The following ATP8A1 variants were observed in gnomAD, a reference collection of about 807,000 sequenced individuals.
ATP8A1 encodes the protein ATPase phospholipid transporting 8A1.
ATP8A1 carries 90 observed loss-of-function variants against 177.7 expected under a neutral mutation model. That is an observed-to-expected ratio of 0.51 (90% confidence interval 0.43 to 0.60). The LOEUF (loss-of-function observed/expected upper bound fraction) is 0.60, where lower values mean the gene tolerates loss of function less well. ATP8A1 is among the 20% of genes least tolerant of loss of function. ATP8A1 has a pLI of 0.00. For synonymous variants in ATP8A1, 493 were observed against 485.9 expected (o/e 1.01, Z -0.19); for missense variants, 1,072 against 1,392.8 (o/e 0.77, Z 3.67).
intron 33 of ATP8A1, among the ~76,000 whole-genome samples, chr4:42,432,621 G>T (rs777632179): frequency 1.2e-4 from 19 of 152,158 alleles, no homozygotes; most frequent in Admixed American, 7.9e-4. Flanking sequence ...TGGGTGGTAC[G>T]CAAGCATCCC....
intron 19 of ATP8A1, among the ~76,000 whole-genome samples, chr4:42,545,030 C>T (rs574648564): frequency 2.7e-4 from 41 of 151,970 alleles, no homozygotes; most frequent in Middle Eastern, 6.8e-3. Context: ...CATGGTATCA[C>T]GTGCCTGTAA....
chr4:42,599,238 A>T (rs897811460), intron 6 of ATP8A1, among the ~76,000 whole-genome samples: 1 of 152,212 alleles, frequency 6.6e-6, no homozygotes, highest in Admixed American at 6.5e-5. Flanking sequence ...AACTACACTG[A>T]CAACCCTAGG....
At chr4:42,478,273 T>C (rs1436933063) in intron 25 of ATP8A1, among the ~76,000 whole-genome samples, 1 of 151,964 alleles carries the variant, frequency 6.6e-6, no homozygotes, top group Non-Finnish European at 1.5e-5. Context: ...GGAGGATCAC[T>C]TGAGTCTGGG....
At chr4:42,544,715 C>T (rs565432516) in intron 19 of ATP8A1, among the ~76,000 whole-genome samples, 1 of 152,296 alleles carries the variant, frequency 6.6e-6, no homozygotes, top group South Asian at 2.1e-4. Flanking sequence ...TGTAAGCATC[C>T]TCCTCAGAAC....
At chr4:42,444,250 C>T (rs1716967228) in intron 32 of ATP8A1, among the ~76,000 whole-genome samples, 1 of 152,108 alleles carries the variant, frequency 6.6e-6, no homozygotes, top group Non-Finnish European at 1.5e-5. Context: ...TGCAGAACAC[C>T]AGTCCAGTGA....
intron 24 of ATP8A1, among the ~76,000 whole-genome samples, chr4:42,500,239 C>T (rs979864868): frequency 6.6e-6 from 1 of 152,236 alleles, no homozygotes; most frequent in Non-Finnish European, 1.5e-5. Context: ...GTGGTGAATG[C>T]CTGTGATCCC....
At chr4:42,545,758 G>A (rs1232544591) in intron 19 of ATP8A1, among the ~76,000 whole-genome samples, 1 of 152,180 alleles carries the variant, frequency 6.6e-6, no homozygotes, top group Non-Finnish European at 1.5e-5. Flanking sequence ...GGGATCATTT[G>A]AGGTCAGGAG....
intron 5 of ATP8A1, among the ~76,000 whole-genome samples, chr4:42,601,279 G>GC (rs1469211679): frequency 1.3e-5 from 2 of 151,328 alleles, no homozygotes; most frequent in Admixed American, 6.6e-5. Context: ...CAAGTGATCT[G>GC]CCTGCCTCAG....
At chr4:42,634,227 T>C (rs536626866) in intron 1 of ATP8A1, among the ~76,000 whole-genome samples, 4 of 152,328 alleles carry the variant, frequency 2.6e-5, no homozygotes, top group Admixed American at 2.6e-4. Context: ...CTCTTCATGA[T>C]TGCATGATGC....
At chr4:42,454,569 T>C (rs927013176) in intron 29 of ATP8A1, among the ~76,000 whole-genome samples, 1 of 152,230 alleles carries the variant, frequency 6.6e-6, no homozygotes, top group South Asian at 2.1e-4. Flanking sequence ...TCCTCCTCAC[T>C]CACATTAAAC....
chr4:42,605,341 G>A (rs1012642926), intron 5 of ATP8A1, among the ~76,000 whole-genome samples: 2 of 152,078 alleles, frequency 1.3e-5, no homozygotes, highest in African/African-American at 2.4e-5. Flanking sequence ...CTGTTCTCTG[G>A]TATCAGCTCA....
Position 42,579,972 on chromosome 4 carries a change from T to C in ATP8A1, c.841A>G (p.Thr281Ala), listed in dbSNP as rs1732864835. Residue 281 changes from threonine (T) to alanine (A), a missense_variant, in exon 11 of 37, where the codon ACA (threonine) becomes GCA (alanine). By Grantham distance (58) the Thr-to-Ala change is moderately conservative. Transcript: ENST00000381668. The part of the protein sequence containing the change: ...GHDTKLMQNS[T>A]SPPLKLSNVE... Reference sequence around the variant, plus strand: ...TTTGAGAGCTTAAGTGGTGGACTTGTTGAATTCTGTAAAAAGAAACAAGAT... The same window carrying C: ...TTTGAGAGCTTAAGTGGTGGACTTGCTGAATTCTGTAAAAAGAAACAAGAT... The C allele has an allele frequency of 3.8e-6, 6 of 1,597,230 alleles. No individual in the cohort carries two copies. In the African/African-American group the frequency reaches 5.4e-5, roughly 14 times the overall value.
intron 20 of ATP8A1, among the ~76,000 whole-genome samples, chr4:42,542,444 T>G (rs578140094): frequency 6.6e-6 from 1 of 151,726 alleles, no homozygotes; most frequent in Non-Finnish European, 1.5e-5. Context: ...TTAAAAAAAA[T>G]TATTTATTTA....
intron 35 of ATP8A1, among the ~76,000 whole-genome samples, chr4:42,420,009 AAAC>A (rs1245934381): frequency 4.8e-5 from 6 of 126,108 alleles, no homozygotes; most frequent in South Asian, 2.4e-4. Context: ...TCTCAAAAAA[AAAC>A]AAACAAACAA....
At chr4:42,455,155 G>C (rs1718343638) in intron 29 of ATP8A1, 142 bp downstream of exon 29, 8 of 1,059,076 alleles carry the variant, frequency 7.6e-6, no homozygotes, top group Non-Finnish European at 1.0e-5. Context: ...AGAACCTTAA[G>C]AAATATGACT....
intron 1 of ATP8A1, among the ~76,000 whole-genome samples, chr4:42,650,592 T>A (rs1316311908): frequency 6.6e-6 from 1 of 152,256 alleles, no homozygotes; most frequent in Non-Finnish European, 1.5e-5. Flanking sequence ...TAAAACATAC[T>A]ATTCTACATA....
intron 25 of ATP8A1, among the ~76,000 whole-genome samples, chr4:42,475,003 A>AT (rs1368489446): frequency 6.6e-6 from 1 of 152,222 alleles, no homozygotes; most frequent in Non-Finnish European, 1.5e-5. Flanking sequence ...TATAATGTTT[A>AT]TTTGCACCCA....
At chr4:42,446,984 G>A (rs965336572) in intron 30 of ATP8A1, among the ~76,000 whole-genome samples, 4 of 152,094 alleles carry the variant, frequency 2.6e-5, no homozygotes, top group African/African-American at 7.2e-5. Context: ...ATATGGATGA[G>A]AGTCATAGGG....
Position 42,546,695 on chromosome 4 carries a change from T to C in ATP8A1, c.1652+2318A>G, listed in dbSNP as rs1728973103. 2.6e-5 allele frequency among the ~76,000 whole-genome samples: 4 copies of C among 152,118 alleles called. No individual in the cohort carries two copies. The South Asian group carries it at 8.3e-4, about 32-fold the overall frequency. On this transcript the variant is annotated intron_variant, in intron 19 of 36. Transcript: ENST00000381668. ...TCTAAACCATCACTCATCTATCCCC[T>C]TCATTCCCAGTCTTTTCCTTTTTCT...
Sources: allele counts gnomAD v4.1 joint callset (sites outside exome capture counted in the v4.1 genomes callset), GRCh38; gene constraint gnomAD v4.1.1; transcripts MANE v1.5; gene names NCBI Gene and HGNC (gene_info 2026-07-23, HGNC 2026-07-21).